Variants in VWA3B observed in about 807,000 individuals in gnomAD.
VWA3B encodes von Willebrand factor A domain-containing protein 3B.
Under a neutral mutation model 158.3 loss-of-function variants are expected in VWA3B, and 138 were observed. The ratio of observed to expected loss-of-function variants is 0.87; its 90% CI spans 0.76 to 1.00. VWA3B has a LOEUF of 1.00. Ranked by LOEUF, VWA3B falls within the 50% of genes least tolerant of loss-of-function variation. The pLI, the probability that VWA3B is intolerant of heterozygous loss-of-function variation, is 0.00. For synonymous variants in VWA3B, 596 were observed against 587.3 expected, an observed-to-expected ratio of 1.01 and a Z score of -0.21; for missense variants, 1,555 against 1,565.1, an observed-to-expected ratio of 0.99 and a Z score of 0.11.
Position 98,197,955 on chromosome 2 carries a change from G to A in VWA3B, c.1737+3463G>A, listed in dbSNP as rs1012441567. On this transcript the variant is annotated intron_variant, in intron 12 of 27. Coordinates refer to ENST00000477737, the MANE Select transcript of VWA3B (RefSeq NM_144992.5). ...TACCGGATTGTATCACTGCTTTTACGCCCTCTCAGTGGACAGAGATAGAAA... is the reference window on the plus strand; with the variant it reads ...TACCGGATTGTATCACTGCTTTTACACCCTCTCAGTGGACAGAGATAGAAA... 7.9e-5 allele frequency among the ~76,000 whole-genome samples: 12 copies of A among 151,704 alleles called. No homozygotes were observed. The South Asian group carries it at 1.5e-3, about 18-fold the overall frequency.
intron 22 of VWA3B, among the ~76,000 whole-genome samples, chr2:98,279,981 C>T (rs1224938172): frequency 6.6e-6 from 1 of 152,204 alleles, no homozygotes; most frequent in Non-Finnish European, 1.5e-5. Flanking sequence ...ACACCAGTCT[C>T]GTGTGAGATG....
intron 6 of VWA3B, 37 bp from the exon 7 acceptor site, chr2:98,133,787 G>A (rs763953467): frequency 1.0e-5 from 16 of 1,588,208 alleles, no homozygotes; most frequent in Non-Finnish European, 1.2e-5. Context: ...GGACACCTGC[G>A]TACTGCCTTC....
intron 11 of VWA3B, 74 bp downstream of exon 11, chr2:98,193,110 G>C (rs1025753880): frequency 1.3e-6 from 2 of 1,506,650 alleles, no homozygotes; most frequent in African/African-American, 2.8e-5. Flanking sequence ...ATAGGGGCTT[G>C]TTGCTCTAAA....
In VWA3B at chr2:98,188,082, G is replaced by C. The variant is rs1444684374; in HGVS notation, c.1419G>C (p.Lys473Asn). The C allele has an allele frequency of 6.2e-7, 1 of 1,614,020 alleles. No homozygotes were observed. The highest frequency in any genetic ancestry group is 1.1e-5 in the South Asian group (1 of 91,056). The part of the protein sequence containing the change: ...VHVNITKEKC[K>N]WYSERIHTAL... ...TCAACATTACCAAAGAGAAGTGCAAGTGGTACAGTGAGAGAATCCACACAG... is the reference window on the plus strand; with the variant it reads ...TCAACATTACCAAAGAGAAGTGCAACTGGTACAGTGAGAGAATCCACACAG... The change falls in exon 10 of 28, where the codon AAG becomes AAC. Residue 473 changes from lysine to asparagine, a missense_variant. By Grantham distance (94) the Lys-to-Asn change is moderately conservative. Transcript: ENST00000477737.
chr2:98,139,638 G>A (rs1676591016), intron 7 of VWA3B, among the ~76,000 whole-genome samples: 1 of 151,836 alleles, frequency 6.6e-6, no homozygotes, highest in African/African-American at 2.4e-5. Flanking sequence ...ACTCTGGTGG[G>A]GCCTTGGAGA....
At chr2:98,217,081 G>A in intron 13 of VWA3B, 1 of 898,766 alleles carries the variant, frequency 1.1e-6, no homozygotes, top group Non-Finnish European at 1.5e-6. Context: ...GAGGGTGGGG[G>A]TTCCCCTCAA....
intron 22 of VWA3B, among the ~76,000 whole-genome samples, chr2:98,274,372 T>C (rs901116019): frequency 6.6e-6 from 1 of 152,188 alleles, no homozygotes; most frequent in Non-Finnish European, 1.5e-5. Flanking sequence ...AGCCTTTCAC[T>C]GTATTATAAA....
intron 2 of VWA3B, among the ~76,000 whole-genome samples, chr2:98,095,700 G>A (rs1682660322): frequency 6.6e-6 from 1 of 152,148 alleles, no homozygotes. Flanking sequence ...TCTTCTTCCA[G>A]ATGTTAAAGG....
chr2:98,303,572 T>A (rs991974507), intron 25 of VWA3B, 130 bp from the exon 26 acceptor site: 2 of 803,008 alleles, frequency 2.5e-6, no homozygotes, highest in South Asian at 1.7e-5. Context: ...TTTGAACTAC[T>A]CTTTTAAGTG....
rs1246189351 is a variant in VWA3B, at chr2:98,272,927, C to T, written c.3045+2044C>T. Among the ~76,000 whole-genome samples the T allele has an allele frequency of 3.9e-5, 6 of 152,240 alleles. No individual in the cohort carries two copies. In the East Asian group the frequency reaches 1.2e-3, roughly 29 times the overall value. ...ACACTCTTTCTATCCCATGTGATGCCTTTTGCCAGGTTATGGGCAGCAAGA... is the reference window on the plus strand; with the variant it reads ...ACACTCTTTCTATCCCATGTGATGCTTTTTGCCAGGTTATGGGCAGCAAGA... On this transcript the variant is annotated intron_variant, in intron 22 of 27. Transcript: ENST00000477737.
intron 21 of VWA3B, among the ~76,000 whole-genome samples, chr2:98,261,642 G>C (rs1327150202): frequency 6.6e-6 from 1 of 151,470 alleles, no homozygotes; most frequent in Admixed American, 6.6e-5. Flanking sequence ...TCTTAATCTT[G>C]TCTTCATTTT....
At chr2:98,214,605 T>A (rs1683818346) in intron 13 of VWA3B, among the ~76,000 whole-genome samples, 1 of 152,126 alleles carries the variant, frequency 6.6e-6, no homozygotes, top group Non-Finnish European at 1.5e-5. Context: ...TCATCTTTTT[T>A]AAAAAAACAA....
chr2:98,306,114 T>C (rs1439535186), intron 26 of VWA3B, among the ~76,000 whole-genome samples: 3 of 152,168 alleles, frequency 2.0e-5, no homozygotes, highest in Admixed American at 2.0e-4. Flanking sequence ...CCTGGACAGC[T>C]ATTCCTTGCC....
Position 98,128,225 on chromosome 2 carries a change from C to CCGTT in VWA3B, c.703-13_703-12insGTTC. ...ATGTGAGGGAGATAAACCGTTGGCA[C>CCGTT]CACTGTTTTGCAGATTGAATCCATT... On this transcript the variant is annotated splice_polypyrimidine_tract_variant and intron_variant, in intron 5 of 27. Coordinates refer to ENST00000477737, the MANE Select transcript of VWA3B (RefSeq NM_144992.5). 6.2e-7 allele frequency: 1 copy of CCGTT among 1,612,988 alleles called. No homozygotes were observed.
Position 98,211,981 on chromosome 2 carries a change from A to T in VWA3B, c.1789A>T (p.Lys597Ter). Reference protein sequence around the residue: ...LSALKTAFADKETQAIYLLTD... With the variant: ...LSALKTAFAD Reference sequence around the variant, plus strand: ...TGCCCTGAAAACTGCTTTTGCTGATAAAGAAACACAGGCAATCTACCTTCT... The same window carrying T: ...TGCCCTGAAAACTGCTTTTGCTGATTAAGAAACACAGGCAATCTACCTTCT... Residue 597 changes from lysine (K) to a stop codon, truncating the protein, a stop_gained, in exon 13 of 28, where the codon AAA (lysine) becomes TAA (stop). Transcript: ENST00000477737. LOFTEE classifies it high-confidence loss of function. 3 of 1,614,140 alleles carry T rather than the reference A, an allele frequency of 1.9e-6. No individual in the cohort carries two copies. Among genetic ancestry groups the T allele is most frequent in the Non-Finnish European group, 2.5e-6 (3 of 1,180,026 alleles).
chr2:98,098,239 G>A (rs1473113838), intron 2 of VWA3B, among the ~76,000 whole-genome samples: 1 of 152,068 alleles, frequency 6.6e-6, no homozygotes, highest in Non-Finnish European at 1.5e-5. Flanking sequence ...TTGGTCTAGA[G>A]TTCAGTTTAA....
At chr2:98,296,881 T>C (rs1351483428) in intron 23 of VWA3B, among the ~76,000 whole-genome samples, 1 of 151,066 alleles carries the variant, frequency 6.6e-6, no homozygotes, top group Admixed American at 6.6e-5. Context: ...AATAATTATA[T>C]TAATTAAAAT....
chr2:98,175,877 C>T (rs1679971053), intron 8 of VWA3B, among the ~76,000 whole-genome samples: 1 of 152,170 alleles, frequency 6.6e-6, no homozygotes, highest in Non-Finnish European at 1.5e-5. Context: ...CTCCTTCATT[C>T]CCTCCTCCCC....
At chr2:98,113,901 C>G (rs1674331729) in intron 2 of VWA3B, among the ~76,000 whole-genome samples, 1 of 152,142 alleles carries the variant, frequency 6.6e-6, no homozygotes, top group South Asian at 2.1e-4. Flanking sequence ...TTTTCTTATC[C>G]ATTTACCAGT....
Sources: allele counts gnomAD v4.1 joint callset (sites outside exome capture counted in the v4.1 genomes callset), GRCh38; gene constraint gnomAD v4.1.1; transcripts MANE v1.5; gene names NCBI Gene and HGNC (gene_info 2026-07-23, HGNC 2026-07-21).